Variants in ARB2A observed in about 807,000 individuals in gnomAD.
The protein encoded by ARB2A is cotranscriptional regulator ARB2A.
chr5:94,105,816 C>T, the ARB2A span, among the ~76,000 whole-genome samples: 2 of 148,352 alleles, frequency 1.3e-5, no homozygotes, highest in African/African-American at 4.9e-5. Context: ...GAATAGAGAA[C>T]CCAAAAATAA....
At chr5:93,958,750 A>C in the ARB2A span, 4 of 1,470,268 alleles carry the variant, frequency 2.7e-6, no homozygotes, top group East Asian at 2.3e-5. Context: ...AAATGCCAAA[A>C]AAAAAAACCC....
the ARB2A span, chr5:93,738,125 T>G: frequency 4.7e-6 from 1 of 213,768 alleles, no homozygotes; most frequent in Non-Finnish European, 9.6e-6. Flanking sequence ...AACCCAGTTT[T>G]AAAAATAGGC....
chr5:94,000,550 A>G, the ARB2A span, among the ~76,000 whole-genome samples: 9 of 152,086 alleles, frequency 5.9e-5, no homozygotes, highest in East Asian at 9.6e-4. Flanking sequence ...GTTATTTTCA[A>G]TAACAGTTCT....
At chr5:93,856,710 CTT>C in the ARB2A span, among the ~76,000 whole-genome samples, 25 of 151,960 alleles carry the variant, frequency 1.6e-4, no homozygotes, top group Non-Finnish European at 2.9e-4. Flanking sequence ...TTTTTAACTT[CTT>C]TGTCTTTGGT....
chr5:93,833,395 T>A, the ARB2A span, among the ~76,000 whole-genome samples: 3 of 152,190 alleles, frequency 2.0e-5, no homozygotes, highest in Non-Finnish European at 4.4e-5. Context: ...GTCAAAGATA[T>A]TCATCACTGT....
the ARB2A span, among the ~76,000 whole-genome samples, chr5:93,962,551 G>A: frequency 6.6e-6 from 1 of 151,912 alleles, no homozygotes; most frequent in Non-Finnish European, 1.5e-5. Context: ...GGAAAAAAAA[G>A]GTTTGATGGT....
At chr5:93,896,877 TA>T in the ARB2A span, among the ~76,000 whole-genome samples, 4 of 151,956 alleles carry the variant, frequency 2.6e-5, no homozygotes, top group Non-Finnish European at 5.9e-5. Context: ...AATAAATGAT[TA>T]AAAAATACAT....
At chr5:94,016,287 T>A in the ARB2A span, among the ~76,000 whole-genome samples, 2 of 152,192 alleles carry the variant, frequency 1.3e-5, no homozygotes, top group Admixed American at 1.3e-4. Flanking sequence ...AGTATCTCAT[T>A]TTGTGGATTG....
chr5:93,822,767 T>C, the ARB2A span, among the ~76,000 whole-genome samples: 1 of 152,052 alleles, frequency 6.6e-6, no homozygotes, highest in East Asian at 1.9e-4. Flanking sequence ...ATTATATATA[T>C]CAAAATAAAT....
the ARB2A span, among the ~76,000 whole-genome samples, chr5:93,961,396 C>G: frequency 6.6e-6 from 1 of 152,114 alleles, no homozygotes; most frequent in South Asian, 2.1e-4. Context: ...TCACTTAGAA[C>G]TGAAAGAAAC....
the ARB2A span, among the ~76,000 whole-genome samples, chr5:94,017,516 G>A: frequency 6.6e-6 from 1 of 152,182 alleles, no homozygotes; most frequent in African/African-American, 2.4e-5. Context: ...AATGGATATG[G>A]TATCTGATGG....
At chr5:93,997,265 G>T in the ARB2A span, among the ~76,000 whole-genome samples, 2 of 152,038 alleles carry the variant, frequency 1.3e-5, no homozygotes, top group African/African-American at 4.8e-5. Flanking sequence ...AGCTAAACCA[G>T]GTTTTAGTAA....
the ARB2A span, among the ~76,000 whole-genome samples, chr5:93,650,001 C>T: frequency 6.6e-6 from 1 of 151,938 alleles, no homozygotes; most frequent in Non-Finnish European, 1.5e-5. Flanking sequence ...TTCACAATGT[C>T]CAACATATAA....
At chr5:94,055,531 A>T in the ARB2A span, 1 of 563,692 alleles carries the variant, frequency 1.8e-6, no homozygotes, top group Non-Finnish European at 2.2e-6. Flanking sequence ...AATTCAACTC[A>T]CATAAAAATA....
At chr5:94,083,863 A>G in the ARB2A span, among the ~76,000 whole-genome samples, 1 of 152,182 alleles carries the variant, frequency 6.6e-6, no homozygotes, top group Non-Finnish European at 1.5e-5. Flanking sequence ...ATTAGGAATA[A>G]AAAGAGAATT....
the ARB2A span, among the ~76,000 whole-genome samples, chr5:94,036,317 C>T: frequency 6.6e-6 from 1 of 152,322 alleles, no homozygotes; most frequent in Admixed American, 6.5e-5. Context: ...TCATCCCATT[C>T]CTCCACATTC....
At chr5:94,093,754 T>C in the ARB2A span, among the ~76,000 whole-genome samples, 1 of 152,178 alleles carries the variant, frequency 6.6e-6, no homozygotes, top group South Asian at 2.1e-4. Flanking sequence ...CAAAGTTTCA[T>C]CTAAATATCA....
chr5:93,901,357 T>C, the ARB2A span, among the ~76,000 whole-genome samples: 1 of 152,080 alleles, frequency 6.6e-6, no homozygotes, highest in Non-Finnish European at 1.5e-5. Flanking sequence ...AATGCATACA[T>C]AGAAGGAAGG....
At chr5:93,886,336 T>C in the ARB2A span, among the ~76,000 whole-genome samples, 3 of 151,720 alleles carry the variant, frequency 2.0e-5, no homozygotes, top group Admixed American at 6.6e-5. Flanking sequence ...TATGGAACTA[T>C]CTGCTTTGGT....
Sources: gnomAD v4.1 joint callset for allele counts (sites outside exome capture counted in the v4.1 genomes callset) on GRCh38, gnomAD v4.1.1 for gene constraint, MANE v1.5 for transcripts, NCBI Gene and HGNC (gene_info 2026-07-23, HGNC 2026-07-21) for gene names.